KIF11: variants seen among roughly 807,000 people sequenced by gnomAD.
The protein encoded by KIF11 is kinesin-like protein KIF11.
A neutral mutation model predicts 121.0 loss-of-function variants in KIF11; 9 were observed. That is an observed-to-expected ratio of 0.07 (90% CI 0.04 to 0.13). The LOEUF (loss-of-function observed/expected upper bound fraction) is 0.13. Ranked by LOEUF, KIF11 falls within the 10% of genes least tolerant of loss-of-function variation. The pLI is 1.00. For missense variants in KIF11, 846 were observed against 1,217.5 expected, an observed-to-expected ratio of 0.69 and a Z score of 4.54; for synonymous variants, 408 against 421.0, an observed-to-expected ratio of 0.97 and a Z score of 0.38.
At chr10:92,594,178 T>C (rs1589583305) in intron 1 of KIF11, among the ~76,000 whole-genome samples, 1 of 152,210 alleles carries the variant, frequency 6.6e-6, no homozygotes, top group Non-Finnish European at 1.5e-5. Context: ...TTACTGAGTA[T>C]GTGTGTTTTG....
chr10:92,646,218 C>A (rs1419458376), intron 18 of KIF11, among the ~76,000 whole-genome samples: 2 of 152,130 alleles, frequency 1.3e-5, no homozygotes, highest in Non-Finnish European at 2.9e-5. Context: ...TCCCAAAGTG[C>A]TGGGATTACA....
chr10:92,638,133 G>A (rs1844826324), intron 16 of KIF11, among the ~76,000 whole-genome samples: 1 of 151,990 alleles, frequency 6.6e-6, no homozygotes, highest in Non-Finnish European at 1.5e-5. Context: ...AACAGCTTCT[G>A]GTATTCTTAA....
chr10:92,629,658 G>A (rs2135914282), intron 11 of KIF11, among the ~76,000 whole-genome samples: 1 of 152,062 alleles, frequency 6.6e-6, no homozygotes, highest in South Asian at 2.1e-4. Flanking sequence ...TTGATGCCCA[G>A]GCTACAGTGC....
chr10:92,635,818 A>G (rs1312462659), intron 14 of KIF11, among the ~76,000 whole-genome samples: 3 of 152,230 alleles, frequency 2.0e-5, no homozygotes, highest in Admixed American at 6.5e-5. Context: ...ATACATTTCT[A>G]CTTACCAAGT....
chr10:92,636,993 A>G (rs1445922596), intron 14 of KIF11, among the ~76,000 whole-genome samples, 191 bp from the exon 15 acceptor site: 1 of 145,948 alleles, frequency 6.9e-6, no homozygotes, highest in Non-Finnish European at 1.5e-5. Flanking sequence ...AGATGTTGCC[A>G]CTGTACTCCA....
At chr10:92,608,454 T>C in intron 4 of KIF11, among the ~76,000 whole-genome samples, 1 of 152,128 alleles carries the variant, frequency 6.6e-6, no homozygotes, top group East Asian at 1.9e-4. Context: ...GCGTTTTTTT[T>C]TTGAGACGGA....
rs765160571 is a variant in KIF11, at chr10:92,637,454, A to G, written c.2069A>G (p.Gln690Arg). 4 of 1,605,290 alleles carry G rather than the reference A, an allele frequency of 2.5e-6. No individual in the cohort carries two copies. In the East Asian group the frequency reaches 6.7e-5, roughly 27 times the overall value. ...CTGTGTAACAATCTACATGAACTAC[A>G]AGAAAATACCATTTGTTCCTTGGTT... is the stretch of plus-strand genomic sequence containing the variant. Reference protein sequence around the residue: ...SILCNNLHELQENTICSLVES... With the variant: ...SILCNNLHELRENTICSLVES... Residue 690 changes from glutamine (Q) to arginine (R), a missense_variant, in exon 16 of 22, where the codon CAA (glutamine) becomes CGA (arginine). Gln to Arg is a conservative substitution (Grantham distance 43). Transcript: ENST00000260731.
At chr10:92,651,163 T>C (rs1216336002) in intron 21 of KIF11, among the ~76,000 whole-genome samples, 8 of 151,782 alleles carry the variant, frequency 5.3e-5, no homozygotes, top group African/African-American at 1.9e-4. Flanking sequence ...GTAGCTAGGA[T>C]TACAGGCATG....
intron 8 of KIF11, among the ~76,000 whole-genome samples, chr10:92,614,948 G>A (rs527560585): frequency 6.6e-6 from 1 of 152,024 alleles, no homozygotes; most frequent in Non-Finnish European, 1.5e-5. Context: ...CACCAGGCCT[G>A]GCTAAGTTTT....
intron 10 of KIF11, among the ~76,000 whole-genome samples, chr10:92,626,332 G>A (rs1409443440): frequency 6.6e-6 from 1 of 152,186 alleles, no homozygotes; most frequent in Non-Finnish European, 1.5e-5. Context: ...TTCAATAAAT[G>A]GTGCTGGGAT....
At position 92,616,811 on chromosome 10, in the gene KIF11, C is replaced by G. The variant is rs148352790; in HGVS notation, c.1107C>G (p.Leu369=). Residue 369 remains leucine, a synonymous_variant, in exon 9 of 22, where the codon CTC becomes CTG. Coordinates refer to ENST00000260731, the MANE Select transcript of KIF11 (RefSeq NM_004523.4). The part of the protein sequence containing the change: ...ILNKPEVNQK[L]TKKALIKEYT... ...ATAAGCCTGAAGTGAATCAGAAACT[C>G]ACCAAAAAAGCTCTTATTAAGGTAA... 7.1e-5 allele frequency: 113 copies of G among 1,594,464 alleles called. No individual in the cohort carries two copies. The African/African-American group carries it at 1.4e-3, about 20-fold the overall frequency.
chr10:92,598,371 G>T (rs771156987), intron 1 of KIF11, among the ~76,000 whole-genome samples: 4 of 152,136 alleles, frequency 2.6e-5, no homozygotes, highest in Non-Finnish European at 5.9e-5. Flanking sequence ...TGATTGAATG[G>T]TCTTGGCAAC....
intron 10 of KIF11, among the ~76,000 whole-genome samples, chr10:92,625,028 C>T (rs1589599075): frequency 6.6e-6 from 1 of 152,020 alleles, no homozygotes; most frequent in East Asian, 1.9e-4. Flanking sequence ...CCTCGGCCTC[C>T]CAAAGTGCTG....
chr10:92,626,558 G>A (rs1490076147), intron 10 of KIF11, among the ~76,000 whole-genome samples: 1 of 152,146 alleles, frequency 6.6e-6, no homozygotes, highest in Non-Finnish European at 1.5e-5. Context: ...GTCAGTCAGA[G>A]AAGAATCACA....
intron 19 of KIF11, 84 bp downstream of exon 19, chr10:92,648,518 G>T: frequency 1.2e-6 from 1 of 810,036 alleles, no homozygotes; most frequent in Non-Finnish European, 1.9e-6. Context: ...GAAAAATTAG[G>T]TCCTGCCATT....
At chr10:92,643,558 T>TC (rs1380325244) in intron 17 of KIF11, among the ~76,000 whole-genome samples, 9 of 148,316 alleles carry the variant, frequency 6.1e-5, no homozygotes, top group African/African-American at 2.2e-4. Flanking sequence ...CTACTAGATT[T>TC]TTTTTTTTTT....
intron 1 of KIF11, among the ~76,000 whole-genome samples, chr10:92,598,023 A>G (rs1353465136): frequency 6.6e-6 from 1 of 152,070 alleles, no homozygotes; most frequent in Admixed American, 6.6e-5. Flanking sequence ...CTGGACTCAA[A>G]TAGTCCTCCT....
intron 1 of KIF11, among the ~76,000 whole-genome samples, chr10:92,593,825 A>G (rs530933957): frequency 1.3e-5 from 2 of 152,330 alleles, no homozygotes; most frequent in African/African-American, 2.4e-5. Context: ...AAAGCAATCA[A>G]TCACTGTTCT....
rs1459886165 is a variant in KIF11 at position 92,654,419 on chromosome 10, C to A, written c.*623C>A. 1 of 152,188 alleles carries A rather than the reference C, an allele frequency of 6.6e-6. No individual in the cohort carries two copies. The highest frequency in any genetic ancestry group is 2.4e-5 in the African/African-American group (1 of 41,440). 9.4% of individuals were successfully genotyped at this position (152,188 alleles called of 1,614,324 possible). A position where few individuals can be genotyped will look rare whatever the true frequency, so the allele number is the denominator to read the frequency against. On this transcript the variant is annotated 3_prime_UTR_variant, in exon 22 of 22. Coordinates refer to ENST00000260731, the MANE Select transcript of KIF11 (RefSeq NM_004523.4). ...AGAACTGTACTCTTCTCAGCTTGAGCTTACATAGGTAAATATCACCAACAT... is the reference window on the plus strand; with the variant it reads ...AGAACTGTACTCTTCTCAGCTTGAGATTACATAGGTAAATATCACCAACAT...
Sources: allele counts gnomAD v4.1 joint callset (sites outside exome capture counted in the v4.1 genomes callset), GRCh38; gene constraint gnomAD v4.1.1; transcripts MANE v1.5; gene names NCBI Gene and HGNC (gene_info 2026-07-23, HGNC 2026-07-21).